Variants in NTM observed in about 807,000 individuals in gnomAD.
NTM encodes the protein neurotrimin.
NTM carries 13 observed loss-of-function variants against 42.1 expected under a neutral mutation model. The observed-to-expected ratio is 0.31, with a 90% CI of 0.20 to 0.49. NTM has a LOEUF of 0.49. NTM is among the 20% of genes least tolerant of loss of function. NTM has a pLI of 0.99. For missense variants in NTM, 373 were observed against 452.8 expected, an observed-to-expected ratio of 0.82 and a Z score of 1.60; for synonymous variants, 187 against 179.2, an observed-to-expected ratio of 1.04 and a Z score of -0.35.
chr11:131,679,827 G>T (rs767275901), intron 1 of NTM, among the ~76,000 whole-genome samples: 2 of 152,096 alleles, frequency 1.3e-5, no homozygotes, highest in Non-Finnish European at 2.9e-5. Flanking sequence ...CAGTCACCCT[G>T]ATGCAGGCTG....
intron 1 of NTM, among the ~76,000 whole-genome samples, chr11:131,510,156 T>C (rs1445743153): frequency 1.3e-5 from 2 of 152,054 alleles, no homozygotes; most frequent in African/African-American, 4.8e-5. Context: ...ACACAAACTG[T>C]CCCACTTAGG....
Position 131,529,512 on chromosome 11 carries a change from C to G in NTM, c.82+158624C>G, listed in dbSNP as rs1287283357. Among the ~76,000 whole-genome samples the G allele has an allele frequency of 4.6e-5, 7 of 152,074 alleles. No individual in the cohort carries two copies. The East Asian group carries it at 1.4e-3, about 29-fold the overall frequency. ...GGAAATGCAGACAGGCTCATCAGTGCCCAAGGAAACCAAGAAGGGCCACCG... is the reference window on the plus strand; with the variant it reads ...GGAAATGCAGACAGGCTCATCAGTGGCCAAGGAAACCAAGAAGGGCCACCG... On this transcript the variant is annotated intron_variant, in intron 1 of 8. Transcript: ENST00000683400.
At chr11:131,523,515 G>A (rs2254900) in intron 1 of NTM, among the ~76,000 whole-genome samples, 28,885 of 152,056 alleles carry the variant, frequency 0.19, 2,842 homozygotes, top group Middle Eastern at 0.25. Flanking sequence ...AGGGTCAGGC[G>A]CAGTGGCTGA....
At chr11:131,373,906 A>T (rs372354324) in intron 1 of NTM, among the ~76,000 whole-genome samples, 1 of 151,494 alleles carries the variant, frequency 6.6e-6, no homozygotes, top group Non-Finnish European at 1.5e-5. Context: ...CAAAGTTCAC[A>T]CTCCCCTTCG....
At chr11:131,591,419 C>G (rs2059359185) in intron 1 of NTM, among the ~76,000 whole-genome samples, 2 of 152,192 alleles carry the variant, frequency 1.3e-5, no homozygotes, top group Admixed American at 1.3e-4. Context: ...GTCCATGGAG[C>G]TGAGCTGGGG....
At chr11:131,875,244 G>A (rs2048365983) in intron 1 of NTM, among the ~76,000 whole-genome samples, 1 of 150,128 alleles carries the variant, frequency 6.7e-6, no homozygotes, top group South Asian at 2.1e-4. Context: ...GGGCTTCCTG[G>A]AAACATTTTA....
intron 4 of NTM, among the ~76,000 whole-genome samples, chr11:132,299,619 G>A (rs1464620098): frequency 1.3e-5 from 2 of 152,162 alleles, no homozygotes; most frequent in Admixed American, 1.3e-4. Context: ...CGGCCAGCAT[G>A]GGCCTATTTA....
rs201069325 is a variant in NTM at position 131,878,594 on chromosome 11, AATATATATATATAT to A, written c.83-32936_83-32923del. 8.5e-3 allele frequency among the ~76,000 whole-genome samples: 163 copies of A among 19,210 alleles called. 5 individuals carry two copies. Among genetic ancestry groups the A allele is most frequent in the African/African-American group, 0.024 (141 of 5,838 alleles). The allele number at this position is 19,210 out of a possible 152,430, so 12.6% of individuals were successfully genotyped here. A position where few individuals can be genotyped will look rare whatever the true frequency, so the allele number is the denominator to read the frequency against. ...CAAAAAAAAAAAAAAAAAAAAAAAA[AATATATATATATAT>A]ATATATATATATATATATATATATA... is the stretch of plus-strand genomic sequence containing the variant. On this transcript the variant is annotated intron_variant, in intron 1 of 8. Coordinates refer to ENST00000683400, the MANE Select transcript of NTM (RefSeq NM_001352005.2).
At chr11:131,972,063 A>AAAAAAAAAG (rs2063634249) in intron 2 of NTM, among the ~76,000 whole-genome samples, 1 of 147,586 alleles carries the variant, frequency 6.8e-6, no homozygotes, top group Non-Finnish European at 1.5e-5. Context: ...AAAAAAAAAA[A>AAAAAAAAAG]TTAGCCAGGT....
intron 7 of NTM, chr11:132,317,799 G>A (rs866488477): frequency 1.6e-5 from 9 of 550,996 alleles, no homozygotes; most frequent in Middle Eastern, 3.3e-4. Context: ...TGTCTTAGAG[G>A]ATGTGGAAGG....
chr11:131,579,014 T>G (rs2058167610), intron 1 of NTM, among the ~76,000 whole-genome samples: 1 of 152,228 alleles, frequency 6.6e-6, no homozygotes, highest in Admixed American at 6.5e-5. Context: ...AAAATAGAAT[T>G]TAGGCAATCA....
In NTM at chr11:131,885,773, G is replaced by A. The variant is rs77235999; in HGVS notation, c.83-25791G>A. 6.3e-3 allele frequency among the ~76,000 whole-genome samples: 955 copies of A among 152,350 alleles called. 10 individuals carry two copies. The highest frequency in any genetic ancestry group is 0.022 in the African/African-American group (915 of 41,578). On this transcript the variant is annotated intron_variant, in intron 1 of 8. Coordinates refer to ENST00000683400, the MANE Select transcript of NTM (RefSeq NM_001352005.2). The stretch of plus-strand genomic sequence containing the variant: ...TTTGATACAAGAGGCTCCCTGATGG[G>A]ACAGGGCTCCCTGGGGCCCAGGTTC...
intron 4 of NTM, among the ~76,000 whole-genome samples, chr11:132,259,931 T>C (rs909677230): frequency 6.6e-6 from 1 of 151,966 alleles, no homozygotes; most frequent in African/African-American, 2.4e-5. Context: ...GTATTTTTTG[T>C]AGAGACGGGG....
At chr11:132,251,885 C>T (rs2091974840) in intron 4 of NTM, among the ~76,000 whole-genome samples, 1 of 152,218 alleles carries the variant, frequency 6.6e-6, no homozygotes, top group African/African-American at 2.4e-5. Flanking sequence ...GCGCAGGCTT[C>T]CACCCATGAG....
chr11:131,433,221 GA>G (rs1293415014), intron 1 of NTM, among the ~76,000 whole-genome samples: 1 of 152,018 alleles, frequency 6.6e-6, no homozygotes, highest in Non-Finnish European at 1.5e-5. Context: ...AGTTTTACAT[GA>G]CAATTATTCT....
intron 2 of NTM, among the ~76,000 whole-genome samples, chr11:132,061,864 T>G (rs2080730195): frequency 6.6e-6 from 1 of 152,170 alleles, no homozygotes; most frequent in Non-Finnish European, 1.5e-5. Flanking sequence ...TAAAGATTTT[T>G]TTAAAAATTT....
At chr11:132,292,617 G>T (rs2094483704) in intron 4 of NTM, among the ~76,000 whole-genome samples, 1 of 151,740 alleles carries the variant, frequency 6.6e-6, no homozygotes, top group Admixed American at 6.6e-5. Flanking sequence ...TTGTTTTTTT[G>T]ATGTTCCTAC....
intron 1 of NTM, among the ~76,000 whole-genome samples, chr11:131,543,900 C>T (rs1236366440): frequency 6.6e-5 from 10 of 152,180 alleles, no homozygotes; most frequent in Admixed American, 6.5e-4. Context: ...TAGTAAACAC[C>T]AAAGAGAGCT....
chr11:132,284,741 A>G (rs1358394708), intron 4 of NTM: 1 of 152,484 alleles, frequency 6.6e-6, no homozygotes, highest in Non-Finnish European at 1.5e-5. Flanking sequence ...CACATTGTAA[A>G]CCCCACCTGA....
Sources: gnomAD v4.1 joint callset for allele counts (sites outside exome capture counted in the v4.1 genomes callset) on GRCh38, gnomAD v4.1.1 for gene constraint, MANE v1.5 for transcripts, NCBI Gene and HGNC (gene_info 2026-07-23, HGNC 2026-07-21) for gene names.